The following YAE1 variants were observed in gnomAD, a reference collection of about 807,000 sequenced individuals.
YAE1 encodes protein YAE1 homolog.
A neutral mutation model predicts 23.0 loss-of-function variants in YAE1; 22 were observed. That is an observed-to-expected ratio of 0.96 (90% CI 0.68 to 1.37). YAE1 has a LOEUF of 1.37. YAE1 is among the 40% of genes most tolerant of loss of function. The pLI, the probability that YAE1 is intolerant of heterozygous loss-of-function variation, is 0.00. For synonymous variants in YAE1, 101 were observed against 97.0 expected, an observed-to-expected ratio of 1.04 and a Z score of -0.24; for missense variants, 260 against 262.1, an observed-to-expected ratio of 0.99 and a Z score of 0.06.
rs1211627372 is a variant in YAE1 at position 39,570,815 on chromosome 7, G to T, written c.251+188G>T. 1.1e-5 allele frequency: 7 copies of T among 624,050 alleles called. No individual in the cohort carries two copies. The South Asian group carries it at 1.9e-4, about 17-fold the overall frequency. The allele number at this position is 624,050 out of a possible 1,614,324, so 38.7% of individuals were successfully genotyped here. A position where few individuals can be genotyped will look rare whatever the true frequency, so the allele number is the denominator to read the frequency against. On this transcript the variant is annotated intron_variant, in intron 2 of 2. Transcript: ENST00000223273. ...TTTATCAGCTCATCTACTTTAATGT[G>T]TGAACTACATATTGTCTTTTCGTGC...
intron 2 of YAE1, among the ~76,000 whole-genome samples, chr7:39,580,930 G>C (rs1790733113): frequency 6.6e-6 from 1 of 152,148 alleles, no homozygotes; most frequent in Non-Finnish European, 1.5e-5. Context: ...AGAACCCAAA[G>C]CATGCAGCCT....
downstream of YAE1, among the ~76,000 whole-genome samples, chr7:39,576,520 C>A (rs1048742794): frequency 6.6e-6 from 1 of 152,226 alleles, no homozygotes; most frequent in African/African-American, 2.4e-5. Flanking sequence ...TATGGACACA[C>A]TAGGCTTATT....
chr7:39,575,537 GGAGA>G (rs56954676), downstream of YAE1, among the ~76,000 whole-genome samples: 29,712 of 130,684 alleles, frequency 0.23, 2,719 homozygotes, highest in East Asian at 0.33. Context: ...CTAAGATACA[GGAGA>G]GAGAGAGAGA....
intron 1 of YAE1, 192 bp downstream of exon 1, chr7:39,566,739 C>G: frequency 1.4e-6 from 1 of 729,416 alleles, no homozygotes; most frequent in Non-Finnish European, 2.1e-6. Flanking sequence ...AAGACGCATT[C>G]TTTGAGCGCC....
chr7:39,589,395 G>C (rs1790867671), intron 2 of YAE1, among the ~76,000 whole-genome samples: 1 of 151,984 alleles, frequency 6.6e-6, no homozygotes, highest in South Asian at 2.1e-4. Context: ...AGCCTCCCAA[G>C]TAGCTGGGAC....
intron 2 of YAE1, among the ~76,000 whole-genome samples, chr7:39,578,495 TTG>T (rs1200140804): frequency 6.6e-6 from 1 of 152,348 alleles, no homozygotes; most frequent in East Asian, 1.9e-4. Context: ...TGTGTTGTCT[TTG>T]TGAGCTGTAA....
rs762470841 is a variant in YAE1, at chr7:39,566,423, C to T, written c.5C>T (p.Ser2Leu). The T allele has an allele frequency of 1.5e-5, 25 of 1,613,736 alleles. No individual in the cohort carries two copies. The highest frequency in any genetic ancestry group is 2.2e-5 in the South Asian group (2 of 91,054). Residue 2 changes from serine (S) to leucine (L), a missense_variant, in exon 1 of 3, where the codon TCG becomes TTG. Transcript: ENST00000223273. M[S>L]WVQAASLIQG... The stretch of plus-strand genomic sequence containing the variant: ...GACCCCGTAATTGCCTCGGTGATGT[C>T]GTGGGTTCAAGCAGCCTCCTTGATC...
At position 39,572,747 on chromosome 7, in the gene YAE1, T is replaced by A; in HGVS notation, c.*41T>A. The A allele has an allele frequency of 6.6e-7, 1 of 1,526,452 alleles. No individual in the cohort carries two copies. Among genetic ancestry groups the A allele is most frequent in the Non-Finnish European group, 8.8e-7 (1 of 1,142,720 alleles). 94.6% of individuals were successfully genotyped at this position (1,526,452 alleles called of 1,614,324 possible). A position where few individuals can be genotyped will look rare whatever the true frequency, so the allele number is the denominator to read the frequency against. On this transcript the variant is annotated 3_prime_UTR_variant, in exon 3 of 3. Coordinates refer to ENST00000223273, the MANE Select transcript of YAE1 (RefSeq NM_020192.5). Reference sequence around the variant, plus strand: ...TCTAATGAAAATAATGTTCAGAACATTTGGTTTCCTAACAATCGAAATTTG... The same window carrying A: ...TCTAATGAAAATAATGTTCAGAACAATTGGTTTCCTAACAATCGAAATTTG...
chr7:39,608,428 A>G (rs1286156872), intron 2 of YAE1, among the ~76,000 whole-genome samples: 1 of 152,178 alleles, frequency 6.6e-6, no homozygotes, highest in Non-Finnish European at 1.5e-5. Context: ...GAGCAGATGG[A>G]GTAGGAGATA....
At chr7:39,593,494 T>A (rs1204539820) in intron 2 of YAE1, among the ~76,000 whole-genome samples, 1 of 152,140 alleles carries the variant, frequency 6.6e-6, no homozygotes, top group Non-Finnish European at 1.5e-5. Flanking sequence ...GTGATCCGCC[T>A]GCCCTGGCCT....
chr7:39,572,322 G>C lies in YAE1; in HGVS notation c.297G>C (p.Leu99Phe), dbSNP rs1223275896. ...ACCTTCATAATAATAATTCAACTTT[G>C]ATCAATAAAATAAACAATCTTCTGG... ...WCHLHNNNST[L>F]INKINNLLDA... Residue 99 changes from leucine to phenylalanine, a missense_variant, in exon 3 of 3, where the codon TTG becomes TTC. By Grantham distance (22) the Leu-to-Phe change is conservative. Coordinates refer to ENST00000223273, the MANE Select transcript of YAE1 (RefSeq NM_020192.5). 1 of 1,613,614 alleles carries C rather than the reference G, an allele frequency of 6.2e-7. No individual in the cohort carries two copies. The highest frequency in any genetic ancestry group is 1.3e-5 in the African/African-American group (1 of 74,892).
intron 2 of YAE1, among the ~76,000 whole-genome samples, chr7:39,596,381 G>A (rs147382499): frequency 0.054 from 8,260 of 151,714 alleles, 292 homozygotes; most frequent in East Asian, 0.12. Flanking sequence ...GGGATTACAG[G>A]CGCCCGTCAC....
At chr7:39,602,375 A>G (rs953415628) in intron 2 of YAE1, among the ~76,000 whole-genome samples, 3 of 152,246 alleles carry the variant, frequency 2.0e-5, no homozygotes, top group African/African-American at 7.2e-5. Context: ...CTGCAGAGCT[A>G]GTTAGACAAT....
chr7:39,588,632 T>G (rs908434821), intron 2 of YAE1, among the ~76,000 whole-genome samples: 1 of 152,148 alleles, frequency 6.6e-6, no homozygotes, highest in African/African-American at 2.4e-5. Context: ...AGGAGAAGAC[T>G]TTGATACATG....
At chr7:39,610,003 G>A in exon 3 of YAE1, 1 of 1,510,936 alleles carries the variant, frequency 6.6e-7, no homozygotes, top group South Asian at 1.3e-5. Flanking sequence ...TTCTTAATCA[G>A]AGGGCAGCTT....
At chr7:39,576,146 A>T (rs1658921088), downstream of YAE1, among the ~76,000 whole-genome samples, 1 of 152,174 alleles carries the variant, frequency 6.6e-6, no homozygotes, top group African/African-American at 2.4e-5. Flanking sequence ...CTGTGCCATC[A>T]TACCCTACTT....
intron 2 of YAE1, among the ~76,000 whole-genome samples, chr7:39,603,013 T>TG (rs1358900364): frequency 6.6e-6 from 1 of 152,234 alleles, no homozygotes; most frequent in African/African-American, 2.4e-5. Flanking sequence ...CCTTCCAAAG[T>TG]GCTGGGATTA....
intron 2 of YAE1, among the ~76,000 whole-genome samples, chr7:39,589,492 C>G (rs1348463351): frequency 6.6e-6 from 1 of 152,096 alleles, no homozygotes; most frequent in African/African-American, 2.4e-5. Context: ...CTCCTGAGCT[C>G]AAGCAATCCT....
chr7:39,590,676 A>G (rs1204340967), intron 2 of YAE1, among the ~76,000 whole-genome samples: 1 of 152,222 alleles, frequency 6.6e-6, no homozygotes, highest in Non-Finnish European at 1.5e-5. Context: ...TATTTTAAAT[A>G]ATTTTGTGCA....
Sources: gnomAD v4.1 joint callset for allele counts (sites outside exome capture counted in the v4.1 genomes callset) on GRCh38, gnomAD v4.1.1 for gene constraint, MANE v1.5 for transcripts, NCBI Gene and HGNC (gene_info 2026-07-23, HGNC 2026-07-21) for gene names.